Variants in LRRC4C observed in about 807,000 individuals in gnomAD.
The protein encoded by LRRC4C is leucine-rich repeat-containing protein 4C.
In LRRC4C, 5 loss-of-function variants were observed where a neutral mutation model predicts 33.6. The ratio of observed to expected loss-of-function variants is 0.15; its 90% CI spans 0.08 to 0.31. The LOEUF is 0.31. Among genes scored for constraint, LRRC4C ranks in the 10% least tolerant of loss-of-function variants. LRRC4C has a pLI of 1.00. For synonymous variants in LRRC4C, 329 were observed against 302.0 expected, an observed-to-expected ratio of 1.09 and a Z score of -0.93; for missense variants, 560 against 796.7, an observed-to-expected ratio of 0.70 and a Z score of 3.58.
intron 1 of LRRC4C, among the ~76,000 whole-genome samples, chr11:41,157,871 C>T (rs1325447890): frequency 3.3e-5 from 5 of 151,932 alleles, no homozygotes; most frequent in Non-Finnish European, 7.4e-5. Context: ...GGTATCCATC[C>T]CCCAAGCGTT....
chr11:40,668,309 T>C (rs1475561926), intron 2 of LRRC4C, among the ~76,000 whole-genome samples: 1 of 152,228 alleles, frequency 6.6e-6, no homozygotes, highest in East Asian at 1.9e-4. Context: ...GAAAGAGTTA[T>C]GTTTGATAAC....
chr11:40,659,014 T>G (rs1591392538), intron 2 of LRRC4C, among the ~76,000 whole-genome samples: 1 of 152,188 alleles, frequency 6.6e-6, no homozygotes, highest in East Asian at 1.9e-4. Flanking sequence ...CCATGTTCCC[T>G]GGCACAGCTG....
chr11:41,159,628 G>A (rs1944379888), intron 1 of LRRC4C, among the ~76,000 whole-genome samples: 1 of 152,016 alleles, frequency 6.6e-6, no homozygotes, highest in South Asian at 2.1e-4. Flanking sequence ...CATATTCTAA[G>A]CACTTTGCAG....
chr11:40,242,050 T>C (rs555783009), intron 4 of LRRC4C, among the ~76,000 whole-genome samples: 8 of 152,146 alleles, frequency 5.3e-5, no homozygotes, highest in South Asian at 2.1e-4. Context: ...CAAGGATGCA[T>C]TTCCTCCTGG....
At chr11:40,753,983 G>GTA (rs769978381) in intron 2 of LRRC4C, among the ~76,000 whole-genome samples, 2 of 151,530 alleles carry the variant, frequency 1.3e-5, no homozygotes, top group South Asian at 2.1e-4. Flanking sequence ...TATATTCACT[G>GTA]TATATATATT....
At chr11:40,934,954 A>T (rs950381021) in intron 1 of LRRC4C, among the ~76,000 whole-genome samples, 1 of 152,120 alleles carries the variant, frequency 6.6e-6, no homozygotes, top group Non-Finnish European at 1.5e-5. Flanking sequence ...CCATTATCTT[A>T]TGCAAAAAGA....
intron 3 of LRRC4C, among the ~76,000 whole-genome samples, chr11:40,625,440 G>A (rs1198634764): frequency 6.6e-6 from 1 of 152,092 alleles, no homozygotes; most frequent in African/African-American, 2.4e-5. Context: ...TGTGTGCAGG[G>A]GAACTGCTCT....
At chr11:40,980,897 C>A (rs888297122) in intron 1 of LRRC4C, among the ~76,000 whole-genome samples, 1 of 152,178 alleles carries the variant, frequency 6.6e-6, no homozygotes. Context: ...TCAGAGTGAG[C>A]AGAGCCTACG....
intron 1 of LRRC4C, among the ~76,000 whole-genome samples, chr11:41,312,686 A>C (rs1345533601): frequency 6.6e-6 from 1 of 152,182 alleles, no homozygotes; most frequent in African/African-American, 2.4e-5. Context: ...GCACACACTA[A>C]TTAAAACATA....
chr11:40,462,750 C>T (rs1222478509), intron 3 of LRRC4C, among the ~76,000 whole-genome samples: 2 of 151,912 alleles, frequency 1.3e-5, no homozygotes, highest in African/African-American at 4.8e-5. Context: ...CAATATAAAT[C>T]CCAGATGTAG....
chr11:40,696,519 C>A (rs1945541561), intron 2 of LRRC4C, among the ~76,000 whole-genome samples: 1 of 148,206 alleles, frequency 6.7e-6, no homozygotes, highest in Admixed American at 6.8e-5. Flanking sequence ...CCTGGAAGTG[C>A]CAGAGAGTTG....
At chr11:41,140,392 C>A (rs1416840740) in intron 1 of LRRC4C, among the ~76,000 whole-genome samples, 1 of 117,360 alleles carries the variant, frequency 8.5e-6, no homozygotes, top group Non-Finnish European at 2.0e-5. Flanking sequence ...TGTTTTGCTT[C>A]ACAAATGATT....
intron 2 of LRRC4C, among the ~76,000 whole-genome samples, chr11:40,796,782 G>T (rs1029101611): frequency 1.3e-5 from 2 of 151,808 alleles, no homozygotes; most frequent in Non-Finnish European, 2.9e-5. Flanking sequence ...GAGTAACTGG[G>T]ATTACAGGCA....
chr11:40,378,888 T>G (rs1306763481), intron 3 of LRRC4C, among the ~76,000 whole-genome samples: 1 of 152,146 alleles, frequency 6.6e-6, no homozygotes, highest in Non-Finnish European at 1.5e-5. Context: ...GAGTTAGAAG[T>G]AAAATATATG....
chr11:40,990,242 T>G (rs1374920330), intron 1 of LRRC4C, among the ~76,000 whole-genome samples: 14 of 118,942 alleles, frequency 1.2e-4, no homozygotes, highest in African/African-American at 4.1e-4. Context: ...TATATATATA[T>G]ATATATATAT....
intron 1 of LRRC4C, among the ~76,000 whole-genome samples, chr11:41,283,395 A>G (rs1031059902): frequency 1.3e-5 from 2 of 152,178 alleles, no homozygotes; most frequent in African/African-American, 2.4e-5. Flanking sequence ...CTAGGTGGTG[A>G]ATAATGCATG....
intron 3 of LRRC4C, among the ~76,000 whole-genome samples, chr11:40,592,405 G>A (rs896495809): frequency 7.2e-5 from 11 of 152,022 alleles, no homozygotes; most frequent in African/African-American, 2.7e-4. Flanking sequence ...TCTGGGATGG[G>A]GCCTGAAAAT....
intron 2 of LRRC4C, among the ~76,000 whole-genome samples, chr11:40,819,681 G>C (rs570391540): frequency 2.4e-4 from 36 of 150,566 alleles, no homozygotes; most frequent in African/African-American, 8.9e-4. Context: ...CACAGGAGAT[G>C]CAAAAGGGTC....
chr11:40,731,555 T>G (rs1212173904), intron 2 of LRRC4C, among the ~76,000 whole-genome samples: 1 of 152,206 alleles, frequency 6.6e-6, no homozygotes, highest in Non-Finnish European at 1.5e-5. Flanking sequence ...TATTTCTTTA[T>G]AGCAATGCAA....
Sources: allele counts gnomAD v4.1 joint callset (sites outside exome capture counted in the v4.1 genomes callset), GRCh38; gene constraint gnomAD v4.1.1; transcripts MANE v1.5; gene names NCBI Gene and HGNC (gene_info 2026-07-23, HGNC 2026-07-21).